Variants in IGSF21 observed in about 807,000 individuals in gnomAD.
IGSF21 encodes the protein immunoglobulin superfamily member 21.
Under a neutral mutation model 46.8 loss-of-function variants are expected in IGSF21, and 28 were observed. The observed-to-expected ratio is 0.60, with a 90% confidence interval of 0.44 to 0.82. The LOEUF is 0.82. Ranked by LOEUF, IGSF21 falls within the 40% of genes least tolerant of loss-of-function variation. The pLI, the probability that IGSF21 is intolerant of heterozygous loss-of-function variation, is 0.00. For missense variants in IGSF21, 624 were observed against 665.5 expected, an observed-to-expected ratio of 0.94 and a Z score of 0.69; for synonymous variants, 284 against 273.6, an observed-to-expected ratio of 1.04 and a Z score of -0.38.
chr1:18,258,404 C>T (rs1354813167), intron 2 of IGSF21, among the ~76,000 whole-genome samples: 3 of 152,214 alleles, frequency 2.0e-5, no homozygotes, highest in Admixed American at 2.0e-4. Flanking sequence ...GCCTTTGGGG[C>T]TCCAGCAACC....
chr1:18,347,340 C>T (rs556721930), intron 4 of IGSF21, among the ~76,000 whole-genome samples: 9 of 152,172 alleles, frequency 5.9e-5, no homozygotes, highest in Non-Finnish European at 1.2e-4. Flanking sequence ...GAGACATGCC[C>T]ACTGTCCCAC....
chr1:18,221,734 G>A (rs2084512382), intron 1 of IGSF21, among the ~76,000 whole-genome samples: 1 of 152,140 alleles, frequency 6.6e-6, no homozygotes, highest in Non-Finnish European at 1.5e-5. Flanking sequence ...CGCGCTTAGT[G>A]GGGCTCACAC....
At chr1:18,123,272 T>C (rs892443174) in intron 1 of IGSF21, among the ~76,000 whole-genome samples, 1 of 152,232 alleles carries the variant, frequency 6.6e-6, no homozygotes, top group Non-Finnish European at 1.5e-5. Flanking sequence ...TTCCTGCCTC[T>C]AGGATGAAGC....
chr1:18,122,689 C>T (rs1394935177), intron 1 of IGSF21, among the ~76,000 whole-genome samples: 9 of 149,108 alleles, frequency 6.0e-5, no homozygotes, highest in Non-Finnish European at 1.3e-4. Flanking sequence ...GGCACGGTCT[C>T]GGCTCACTAC....
intron 2 of IGSF21, among the ~76,000 whole-genome samples, chr1:18,251,780 T>C (rs2084844268): frequency 6.6e-6 from 1 of 152,018 alleles, no homozygotes; most frequent in African/African-American, 2.4e-5. Context: ...GCTAAGAGGC[T>C]CTCCTAGTCT....
In IGSF21 at chr1:18,335,110, A is replaced by G. The variant is rs2085753695; in HGVS notation, c.424+100A>G. On this transcript the variant is annotated intron_variant, in intron 4 of 9. Transcript: ENST00000251296. This position sits in a 1 kb window ranked among gnomAD's most constrained non-coding sequence, Gnocchi z 4.8. ...AGAGTGGCCATCCTGGGGGCCATCC[A>G]CCAGAAGTTCTGTTGTGCTGGTGTC... 3.3e-6 allele frequency: 3 copies of G among 897,220 alleles called. No homozygotes were observed. Among genetic ancestry groups the G allele is most frequent in the Admixed American group, 1.9e-5 (1 of 53,304 alleles). The allele number at this position is 897,220 out of a possible 1,614,324, so 55.6% of individuals were successfully genotyped here. A position where few individuals can be genotyped will look rare whatever the true frequency, so the allele number is the denominator to read the frequency against.
intron 2 of IGSF21, among the ~76,000 whole-genome samples, chr1:18,285,682 G>A (rs1474673460): frequency 6.6e-6 from 1 of 152,114 alleles, no homozygotes. Flanking sequence ...CTCAGCATGG[G>A]GAAGAAAAGA....
At chr1:18,340,717 G>A (rs2085823919) in intron 4 of IGSF21, among the ~76,000 whole-genome samples, 1 of 151,916 alleles carries the variant, frequency 6.6e-6, no homozygotes, top group East Asian at 1.9e-4. Context: ...CCCATGCAAG[G>A]GAAAAATCCT....
chr1:18,309,621 A>C (rs2085462311), intron 3 of IGSF21, among the ~76,000 whole-genome samples: 1 of 152,126 alleles, frequency 6.6e-6, no homozygotes. Context: ...ACTTTCCATG[A>C]CAGGGAGCCC....
chr1:18,241,510 T>C (rs1039187745), intron 2 of IGSF21, among the ~76,000 whole-genome samples: 1 of 152,152 alleles, frequency 6.6e-6, no homozygotes, highest in Non-Finnish European at 1.5e-5. Flanking sequence ...AAAACCCAAC[T>C]CTCTGACTAC....
intron 1 of IGSF21, among the ~76,000 whole-genome samples, chr1:18,179,614 G>T (rs1455823237): frequency 6.6e-6 from 1 of 151,934 alleles, no homozygotes; most frequent in Admixed American, 6.6e-5. Context: ...GTCCCTACTG[G>T]GCCTGATGGA....
At chr1:18,174,309 C>T (rs771058162) in intron 1 of IGSF21, among the ~76,000 whole-genome samples, 16 of 152,190 alleles carry the variant, frequency 1.1e-4, no homozygotes, top group Non-Finnish European at 1.8e-4. Flanking sequence ...TCCCCGAATC[C>T]GAGCAGCCCG....
chr1:18,359,388 A>T (rs1168143414), intron 4 of IGSF21, among the ~76,000 whole-genome samples: 2 of 78,414 alleles, frequency 2.6e-5, no homozygotes, highest in Non-Finnish European at 5.4e-5. Context: ...GAAAGAAAGG[A>T]AGGAAGGAAG....
intron 1 of IGSF21, among the ~76,000 whole-genome samples, chr1:18,197,785 C>T (rs766251093): frequency 1.1e-4 from 17 of 152,226 alleles, no homozygotes; most frequent in Non-Finnish European, 2.1e-4. Flanking sequence ...CCAAGACTAC[C>T]TCATATTGGG....
intron 2 of IGSF21, among the ~76,000 whole-genome samples, chr1:18,282,397 C>T (rs1026298177): frequency 1.3e-5 from 2 of 152,116 alleles, no homozygotes; most frequent in South Asian, 4.1e-4. Flanking sequence ...GAGGCCCTTT[C>T]TATTTCCCCT....
intron 4 of IGSF21, among the ~76,000 whole-genome samples, chr1:18,343,749 C>T (rs1378677999): frequency 6.6e-6 from 1 of 152,230 alleles, no homozygotes; most frequent in African/African-American, 2.4e-5. Flanking sequence ...AATCAATTGA[C>T]TGTGAAAGTG....
chr1:18,134,274 T>C (rs1046200933), intron 1 of IGSF21, among the ~76,000 whole-genome samples: 2 of 152,156 alleles, frequency 1.3e-5, no homozygotes, highest in African/African-American at 4.8e-5. Flanking sequence ...CTGATTCTGC[T>C]GTCACCCTCT....
At chr1:18,263,241 C>G (rs915182750) in intron 2 of IGSF21, among the ~76,000 whole-genome samples, 2 of 152,174 alleles carry the variant, frequency 1.3e-5, no homozygotes, top group African/African-American at 4.8e-5. Context: ...TAGGATGCTA[C>G]TCAGAGCCAG....
chr1:18,314,508 G>T (rs773781832), intron 3 of IGSF21, among the ~76,000 whole-genome samples: 1 of 152,152 alleles, frequency 6.6e-6, no homozygotes, highest in African/African-American at 2.4e-5. Context: ...TCGTGGGCCG[G>T]GCCCTCTGCT....
Sources: allele counts gnomAD v4.1 joint callset (sites outside exome capture counted in the v4.1 genomes callset), GRCh38; gene constraint gnomAD v4.1.1; non-coding constraint Gnocchi (gnomAD v3.1); transcripts MANE v1.5; gene names NCBI Gene and HGNC (gene_info 2026-07-23, HGNC 2026-07-21).